A1CF: variants seen among roughly 807,000 people sequenced by gnomAD.
A1CF encodes APOBEC1 complementation factor.
Under a neutral mutation model 68.9 loss-of-function variants are expected in A1CF, and 48 were observed. That is an observed-to-expected ratio of 0.70 (90% CI 0.55 to 0.89). A1CF has a LOEUF of 0.89. A1CF is among the 40% of genes least tolerant of loss of function. The probability of loss-of-function intolerance (pLI) is 0.00; values close to 1 mark genes in which losing one functional copy is unlikely to be tolerated. For synonymous variants in A1CF, 272 were observed against 260.4 expected (o/e 1.04, Z -0.43); for missense variants, 653 against 718.9 (o/e 0.91, Z 1.05).
chr10:50,858,402 G>T (rs1322434707), intron 3 of A1CF, among the ~76,000 whole-genome samples: 3 of 152,088 alleles, frequency 2.0e-5, no homozygotes, highest in East Asian at 1.9e-4. Flanking sequence ...AATTCTGCTT[G>T]TTGGGTATAA....
intron 1 of A1CF, among the ~76,000 whole-genome samples, chr10:50,876,240 A>G (rs1841506395): frequency 6.6e-6 from 1 of 152,248 alleles, no homozygotes; most frequent in South Asian, 2.1e-4. Flanking sequence ...AGGGCCGAAT[A>G]AATTCTGAGA....
intron 6 of A1CF, among the ~76,000 whole-genome samples, chr10:50,829,626 C>T (rs1307540268): frequency 3.9e-5 from 6 of 152,136 alleles, no homozygotes; most frequent in Non-Finnish European, 8.8e-5. Flanking sequence ...CTAGCTGTGA[C>T]CATCTTGTTC....
At chr10:50,864,939 C>T (rs1840917316) in intron 1 of A1CF, among the ~76,000 whole-genome samples, 1 of 151,994 alleles carries the variant, frequency 6.6e-6, no homozygotes, top group African/African-American at 2.4e-5. Flanking sequence ...CAGGTCTCCT[C>T]TTTTCTTCTT....
chr10:50,867,123 A>G (rs1438455445), intron 1 of A1CF, among the ~76,000 whole-genome samples: 2 of 152,052 alleles, frequency 1.3e-5, no homozygotes, highest in Non-Finnish European at 2.9e-5. Context: ...TCATGAAAGC[A>G]TAGCTTGGCA....
At chr10:50,821,513 T>C (rs1838670599) in intron 7 of A1CF, among the ~76,000 whole-genome samples, 2 of 151,742 alleles carry the variant, frequency 1.3e-5, no homozygotes, top group Admixed American at 1.3e-4. Flanking sequence ...TAGACCTGTA[T>C]GTTGTTACAT....
chr10:50,843,534 A>T (rs1305443538), intron 4 of A1CF, among the ~76,000 whole-genome samples: 1 of 152,214 alleles, frequency 6.6e-6, no homozygotes, highest in African/African-American at 2.4e-5. Flanking sequence ...GGTAGACAAA[A>T]AATTCAGACC....
At position 50,871,416 on chromosome 10, in the gene A1CF, A is replaced by T. The variant is rs573128802; in HGVS notation, c.-93-7336T>A. The stretch of plus-strand genomic sequence containing the variant: ...AAATGGAAGTTTTGCTGATGTAAAA[A>T]TATCAGTTTTTCCCAAATTATTACT... On this transcript the variant is annotated intron_variant, in intron 1 of 12. Coordinates refer to ENST00000373997, the MANE Select transcript of A1CF (RefSeq NM_014576.4). 8.5e-5 allele frequency among the ~76,000 whole-genome samples: 13 copies of T among 152,096 alleles called. 1 individual carries two copies. In the South Asian group the frequency reaches 2.7e-3, roughly 32 times the overall value.
rs941818046 is a variant in A1CF, at chr10:50,828,571, A to C, written c.605-276T>G. The stretch of plus-strand genomic sequence containing the variant: ...GAACAGAAATGAGGCAGCAGAGGCC[A>C]CATTTGGCTCTTAGAACAACACTCA... On this transcript the variant is annotated intron_variant, in intron 6 of 12. Transcript: ENST00000373997. The C allele has an allele frequency of 4.1e-5, 11 of 270,728 alleles. No homozygotes were observed. The Admixed American group carries it at 4.4e-4, about 11-fold the overall frequency. 16.8% of individuals were successfully genotyped at this position (270,728 alleles called of 1,614,324 possible).
At chr10:50,813,222 A>G (rs921632693) in intron 10 of A1CF, among the ~76,000 whole-genome samples, 4 of 152,356 alleles carry the variant, frequency 2.6e-5, no homozygotes, top group African/African-American at 9.6e-5. Context: ...GTCAGTTTCC[A>G]TATTGAAACT....
chr10:50,848,167 A>G (rs533069634), intron 3 of A1CF, among the ~76,000 whole-genome samples: 16 of 152,306 alleles, frequency 1.1e-4, no homozygotes, highest in African/African-American at 3.4e-4. Flanking sequence ...AAATATGTCC[A>G]AATTCATACA....
intron 3 of A1CF, among the ~76,000 whole-genome samples, chr10:50,845,928 TG>T (rs1162853314): frequency 6.8e-6 from 1 of 146,532 alleles, no homozygotes; most frequent in Non-Finnish European, 1.5e-5. Flanking sequence ...CACTCCCACC[TG>T]GGTGATAGAG....
intron 7 of A1CF, 33 bp downstream of exon 7, chr10:50,828,098 T>C: frequency 1.4e-6 from 2 of 1,480,632 alleles, no homozygotes; most frequent in East Asian, 2.3e-5. Context: ...ACAAAGAATG[T>C]TTTGAAAAAC....
At chr10:50,817,884 A>G (rs1368555740) in intron 8 of A1CF, among the ~76,000 whole-genome samples, 3 of 152,224 alleles carry the variant, frequency 2.0e-5, no homozygotes, top group South Asian at 2.1e-4. Context: ...ATTAATCTGT[A>G]TAGCCCAAGC....
chr10:50,883,870 C>G (rs776589436), intron 1 of A1CF, among the ~76,000 whole-genome samples: 1 of 152,188 alleles, frequency 6.6e-6, no homozygotes, highest in African/African-American at 2.4e-5. Flanking sequence ...AACTGAGTAG[C>G]TGAGCCTGTT....
chr10:50,870,884 T>C (rs1434687909), intron 1 of A1CF, among the ~76,000 whole-genome samples: 1 of 151,664 alleles, frequency 6.6e-6, no homozygotes, highest in Non-Finnish European at 1.5e-5. Context: ...AAAATAATAA[T>C]ATACAATGAA....
rs1269731067 is a variant in A1CF at position 50,813,979 on chromosome 10, G to A, written c.1201C>T (p.Arg401Ter). Residue 401 changes from arginine to a stop codon, truncating the protein, a stop_gained, in exon 10 of 13, where the codon CGA (arginine) becomes TGA (stop). Coordinates refer to ENST00000373997, the MANE Select transcript of A1CF (RefSeq NM_014576.4). LOFTEE classifies it high-confidence loss of function. ...RGYLAYTGLG[R>*]GYQVKGDKRE... ...TTGTCTCCTTTGACCTGGTATCCTC[G>A]ACCCAGGCCTGTGTATGCCAAATAG... The A allele has an allele frequency of 3.1e-6, 5 of 1,613,708 alleles. No individual in the cohort carries two copies. The highest frequency in any genetic ancestry group is 3.4e-6 in the Non-Finnish European group (4 of 1,179,816).
chr10:50,825,617 A>T (rs1011321365), intron 7 of A1CF, among the ~76,000 whole-genome samples: 5 of 152,174 alleles, frequency 3.3e-5, no homozygotes, highest in Non-Finnish European at 5.9e-5. Flanking sequence ...GGTAATTTGG[A>T]TATTGTTTCC....
intron 7 of A1CF, among the ~76,000 whole-genome samples, 195 bp downstream of exon 7, chr10:50,827,936 T>C (rs1378940109): frequency 6.6e-6 from 1 of 151,342 alleles, no homozygotes; most frequent in Non-Finnish European, 1.5e-5. Context: ...ATAAGCACAA[T>C]AAAAAATGAT....
At chr10:50,860,049 A>G (rs1840673128) in intron 2 of A1CF, 64 bp from the exon 3 acceptor site, 2 of 787,418 alleles carry the variant, frequency 2.5e-6, no homozygotes. Context: ...TCTCCTTTTC[A>G]TGAAGGACAT....
Sources: allele counts gnomAD v4.1 joint callset (sites outside exome capture counted in the v4.1 genomes callset), GRCh38; gene constraint gnomAD v4.1.1; transcripts MANE v1.5; gene names NCBI Gene and HGNC (gene_info 2026-07-23, HGNC 2026-07-21).